NXPE3: variants seen among roughly 807,000 people sequenced by gnomAD.
NXPE3 encodes the protein NXPE family member 3.
NXPE3 carries 26 observed loss-of-function variants against 46.1 expected under a neutral mutation model. The ratio of observed to expected loss-of-function variants is 0.56; its 90% CI spans 0.41 to 0.78. NXPE3 has a LOEUF of 0.78. NXPE3 is among the 30% of genes least tolerant of loss of function. NXPE3 has a pLI of 0.00. For missense variants in NXPE3, 620 were observed against 686.0 expected (o/e 0.90, Z 1.07); for synonymous variants, 272 against 257.9 (o/e 1.05, Z -0.52).
intron 2 of NXPE3, among the ~76,000 whole-genome samples, 181 bp from the exon 3 acceptor site, chr3:101,782,479 A>G (rs547583264): frequency 1.3e-5 from 2 of 151,518 alleles, no homozygotes; most frequent in African/African-American, 2.4e-5. Context: ...TTTTTTTTTT[A>G]CACTACAATT....
rs1453652410 is a variant in NXPE3 at position 101,823,021 on chromosome 3, C to A, written c.*1067C>A. ...CCCATTCTCTCATGCTTGGAAGAAG[C>A]TGCTATTCCTACTGGCTATCTAAGA... On this transcript the variant is annotated 3_prime_UTR_variant, in exon 8 of 8. Transcript: ENST00000273347. 3 of 152,106 alleles carry A rather than the reference C, an allele frequency of 2.0e-5. No individual in the cohort carries two copies. Among genetic ancestry groups the A allele is most frequent in the Non-Finnish European group, 4.4e-5 (3 of 68,018 alleles). 9.4% of individuals were successfully genotyped at this position (152,106 alleles called of 1,614,324 possible).
At position 101,807,356 on chromosome 3, in the gene NXPE3, G is replaced by A. The variant is rs187787957; in HGVS notation, c.922+230G>A. On this transcript the variant is annotated intron_variant, in intron 6 of 7. Transcript: ENST00000273347. ...TTTTTTTGAGACAGGGTCTTGCTCTGTTACCTAGGCTGGAGTGCAGTGGCG... is the reference window on the plus strand; with the variant it reads ...TTTTTTTGAGACAGGGTCTTGCTCTATTACCTAGGCTGGAGTGCAGTGGCG... 1.7e-3 allele frequency among the ~76,000 whole-genome samples: 263 copies of A among 152,094 alleles called. 1 individual carries two copies. The highest frequency in any genetic ancestry group is 3.0e-3 in the Non-Finnish European group (206 of 67,984).
At position 101,822,879 on chromosome 3, in the gene NXPE3, C is replaced by T. The variant is rs1197657904; in HGVS notation, c.*925C>T. On this transcript the variant is annotated 3_prime_UTR_variant, in exon 8 of 8. Transcript: ENST00000273347. ...GTTGTTGTTATTTTGAACTACTTAC[C>T]AAAATTAGAAGTTAAAATCTAATTA... 2 of 150,974 alleles carry T rather than the reference C, an allele frequency of 1.3e-5. No homozygotes were observed. Among genetic ancestry groups the T allele is most frequent in the African/African-American group, 4.9e-5 (2 of 41,014 alleles). 9.4% of individuals were successfully genotyped at this position (150,974 alleles called of 1,614,324 possible). A position where few individuals can be genotyped will look rare whatever the true frequency, so the allele number is the denominator to read the frequency against.
At chr3:101,803,327 A>T (rs972737755) in intron 5 of NXPE3, among the ~76,000 whole-genome samples, 2 of 152,324 alleles carry the variant, frequency 1.3e-5, no homozygotes, top group Middle Eastern at 6.8e-3. Context: ...GATTATGTAC[A>T]TATGTAGTGG....
intron 1 of NXPE3, 38 bp from the exon 2 acceptor site, chr3:101,782,072 T>C (rs1443551481): frequency 6.6e-6 from 1 of 152,200 alleles, no homozygotes; most frequent in Non-Finnish European, 1.5e-5. Flanking sequence ...ATTTTCAGTA[T>C]CTTTAACCTT....
intron 5 of NXPE3, among the ~76,000 whole-genome samples, chr3:101,803,184 A>G (rs1275865291): frequency 1.3e-5 from 2 of 152,188 alleles, no homozygotes; most frequent in African/African-American, 4.8e-5. Flanking sequence ...TGGGCACCCT[A>G]AAAATTTCAT....
intron 4 of NXPE3, among the ~76,000 whole-genome samples, chr3:101,800,223 T>C (rs1941064789): frequency 6.6e-6 from 1 of 152,218 alleles, no homozygotes; most frequent in South Asian, 2.1e-4. Context: ...AGCACTTCTC[T>C]TGCTTCATTC....
At chr3:101,808,847 A>ATATATATT (rs1941568885) in intron 6 of NXPE3, among the ~76,000 whole-genome samples, 1 of 130,542 alleles carries the variant, frequency 7.7e-6, no homozygotes, top group Non-Finnish European at 1.6e-5. Flanking sequence ...ATATATATAT[A>ATATATATT]TATATATATG....
intron 6 of NXPE3, among the ~76,000 whole-genome samples, chr3:101,815,373 T>G (rs1941925285): frequency 6.6e-6 from 1 of 152,206 alleles, no homozygotes; most frequent in African/African-American, 2.4e-5. Context: ...GATTCATGGA[T>G]TCTAACTTTG....
Position 101,801,851 on chromosome 3 carries a change from A to G in NXPE3, c.710A>G (p.Asn237Ser), listed in dbSNP as rs1225442409. 1 of 1,614,098 alleles carries G rather than the reference A, an allele frequency of 6.2e-7. No homozygotes were observed. The highest frequency in any genetic ancestry group is 1.7e-5 in the Admixed American group (1 of 60,018). The change falls in exon 5 of 8, where the codon AAC (asparagine) becomes AGC (serine). Residue 237 changes from asparagine (N) to serine (S), a missense_variant. By Grantham distance (46) the Asn-to-Ser change is conservative. Coordinates refer to ENST00000273347, the MANE Select transcript of NXPE3 (RefSeq NM_145037.4). Reference sequence around the variant, plus strand: ...CTTCCTGGGAATCTGCCCCTGTGTAACTTTACAGACCTCTACACTGGGGAG... The same window carrying G: ...CTTCCTGGGAATCTGCCCCTGTGTAGCTTTACAGACCTCTACACTGGGGAG... ...VCLPGNLPLC[N>S]FTDLYTGEPW...
chr3:101,821,328 C>G, intron 7 of NXPE3, 76 bp from the exon 8 acceptor site: 1 of 1,263,764 alleles, frequency 7.9e-7, no homozygotes, highest in East Asian at 2.4e-5. Context: ...TTATTTGAAG[C>G]CACTTAATAA....
intron 5 of NXPE3, among the ~76,000 whole-genome samples, chr3:101,806,521 C>G (rs146050423): frequency 6.6e-6 from 1 of 152,192 alleles, no homozygotes; most frequent in African/African-American, 2.4e-5. Flanking sequence ...CCTGCTGCCT[C>G]CCTTGAGTAG....
rs111734642 is a variant in NXPE3, at chr3:101,796,806, A to G, written c.94-4429A>G. ...GAAAAATACAGAATCTAAGAAGAGC[A>G]TTAAACATTCTTGTATCTTGAGATT... On this transcript the variant is annotated intron_variant, in intron 4 of 7. Coordinates refer to ENST00000273347, the MANE Select transcript of NXPE3 (RefSeq NM_145037.4). 9.8e-4 allele frequency among the ~76,000 whole-genome samples: 150 copies of G among 152,368 alleles called. 1 individual carries two copies. Among genetic ancestry groups the G allele is most frequent in the Admixed American group, 3.3e-3 (50 of 15,304 alleles).
At chr3:101,820,639 G>C (rs549432267) in intron 7 of NXPE3, among the ~76,000 whole-genome samples, 42 of 152,340 alleles carry the variant, frequency 2.8e-4, no homozygotes, top group African/African-American at 9.6e-4. Context: ...ATGCCCATCA[G>C]TGACAGACTG....
chr3:101,815,460 G>A (rs993387513), intron 6 of NXPE3, among the ~76,000 whole-genome samples: 9 of 152,282 alleles, frequency 5.9e-5, no homozygotes, highest in African/African-American at 1.9e-4. Flanking sequence ...TACTTGCCTC[G>A]CAGGCATGTG....
At chr3:101,805,779 A>G (rs1941389527) in intron 5 of NXPE3, among the ~76,000 whole-genome samples, 1 of 152,058 alleles carries the variant, frequency 6.6e-6, no homozygotes, top group Non-Finnish European at 1.5e-5. Flanking sequence ...TTTCCATGTG[A>G]TTAGATTGAG....
chr3:101,782,467 A>G (rs1261460733), intron 2 of NXPE3, among the ~76,000 whole-genome samples, 177 bp downstream of exon 2: 2 of 150,638 alleles, frequency 1.3e-5, no homozygotes, highest in Admixed American at 6.6e-5. Context: ...AACCTGTTAC[A>G]GTTTTTTTTT....
At chr3:101,817,446 C>T (rs1282838599) in intron 7 of NXPE3, among the ~76,000 whole-genome samples, 3 of 152,208 alleles carry the variant, frequency 2.0e-5, no homozygotes, top group Non-Finnish European at 4.4e-5. Flanking sequence ...GCAGCCAGAC[C>T]TATGGTAGTC....
Position 101,821,569 on chromosome 3 carries a change from T to C in NXPE3, c.1295T>C (p.Ile432Thr). The C allele has an allele frequency of 6.2e-7, 1 of 1,614,152 alleles. No homozygotes were observed. The highest frequency in any genetic ancestry group is 8.5e-7 in the Non-Finnish European group (1 of 1,180,024). ...LHYVANELNGIVGGKNTVVAI... is the reference protein window; with the variant it reads ...LHYVANELNGTVGGKNTVVAI... The stretch of plus-strand genomic sequence containing the variant: ...TATGTGGCGAATGAGCTGAATGGCA[T>C]TGTGGGAGGGAAGAACACAGTGGTT... Residue 432 changes from isoleucine (I) to threonine (T), a missense_variant, in exon 8 of 8, where the codon ATT becomes ACT. Around this residue, in one of 3 missense-constraint regions of NXPE3, gnomAD observed 511 missense variants for 528.6 expected, o/e 0.97. Transcript: ENST00000273347.
Sources: gnomAD v4.1 joint callset for allele counts (sites outside exome capture counted in the v4.1 genomes callset) on GRCh38, gnomAD v4.1.1 for gene constraint, gnomAD v4.1.1 regional missense constraint, MANE v1.5 for transcripts, NCBI Gene and HGNC (gene_info 2026-07-23, HGNC 2026-07-21) for gene names.